The following WDR27 variants were observed in gnomAD, a reference collection of about 807,000 sequenced individuals.
WDR27 encodes the protein WD repeat-containing protein 27.
In WDR27, 100 loss-of-function variants were observed where a neutral mutation model predicts 114.4. That is an observed-to-expected ratio of 0.87 (90% CI 0.74 to 1.03). The LOEUF (loss-of-function observed/expected upper bound fraction) is 1.03, where lower values mean the gene tolerates loss of function less well. Ranked by LOEUF, WDR27 falls within the 50% of genes least tolerant of loss-of-function variation. WDR27 has a pLI of 0.00. For missense variants in WDR27, 1,129 were observed against 1,092.9 expected (o/e 1.03, Z -0.47); for synonymous variants, 449 against 423.1 (o/e 1.06, Z -0.75).
At position 169,520,571 on chromosome 6, in the gene WDR27, C is replaced by T. The variant is rs551227483; in HGVS notation, c.2645+51848G>A. ...AAGCTGGGAACCAGTGACTGACTCTCACAAGATGATGATAATGTGAACTCT... is the reference window on the plus strand; with the variant it reads ...AAGCTGGGAACCAGTGACTGACTCTTACAAGATGATGATAATGTGAACTCT... On this transcript the variant is annotated intron_variant, in intron 25 of 25. Transcript: ENST00000448612. Among the ~76,000 whole-genome samples, 126 of 152,218 alleles carry T rather than the reference C, an allele frequency of 8.3e-4. 1 individual carries two copies. Among genetic ancestry groups the T allele is most frequent in the Non-Finnish European group, 1.5e-3 (101 of 68,008 alleles).
chr6:169,526,382 G>A (rs1794975244), intron 25 of WDR27, among the ~76,000 whole-genome samples: 1 of 152,166 alleles, frequency 6.6e-6, no homozygotes, highest in African/African-American at 2.4e-5. Context: ...GGAGGCCGAG[G>A]TAGGTGGATC....
At chr6:169,695,847 G>T (rs1785780498) in intron 1 of WDR27, among the ~76,000 whole-genome samples, 6 of 152,150 alleles carry the variant, frequency 3.9e-5, no homozygotes, top group African/African-American at 1.4e-4. Context: ...GAGAAGAGTT[G>T]GGATGATGAT....
In WDR27 at chr6:169,511,521, T is replaced by C. The variant is rs894006911; in HGVS notation, c.2646-53887A>G. Among the ~76,000 whole-genome samples, 14 of 57,268 alleles carry C rather than the reference T, an allele frequency of 2.4e-4. No homozygotes were observed. In the East Asian group the frequency reaches 3.0e-3, roughly 12 times the overall value. The allele number at this position is 57,268 out of a possible 152,430, so 37.6% of individuals were successfully genotyped here. ...AAATATAATTTCATTCTCTTAATCA[T>C]AGATCTGTATTATAAGAAAATTACA... is the stretch of plus-strand genomic sequence containing the variant. On this transcript the variant is annotated intron_variant, in intron 25 of 25. Coordinates refer to ENST00000448612, the MANE Select transcript of WDR27 (RefSeq NM_182552.5).
At chr6:169,639,976 G>A (rs1435532773) in intron 17 of WDR27, among the ~76,000 whole-genome samples, 1 of 152,176 alleles carries the variant, frequency 6.6e-6, no homozygotes, top group Non-Finnish European at 1.5e-5. Flanking sequence ...GGGCGAGAGG[G>A]GACGAGCTGG....
At chr6:169,565,084 C>T (rs918394656) in intron 25 of WDR27, among the ~76,000 whole-genome samples, 9 of 152,040 alleles carry the variant, frequency 5.9e-5, no homozygotes, top group East Asian at 1.9e-4. Flanking sequence ...AGAAGCCTCC[C>T]GGCCTGGGAG....
At chr6:169,473,189 G>T (rs1478764043) in intron 25 of WDR27, among the ~76,000 whole-genome samples, 2 of 152,184 alleles carry the variant, frequency 1.3e-5, no homozygotes, top group Non-Finnish European at 2.9e-5. Flanking sequence ...TTTGAATTTG[G>T]CTAGGAACCA....
chr6:169,650,994 G>A (rs1040066229), intron 14 of WDR27, among the ~76,000 whole-genome samples: 3 of 152,090 alleles, frequency 2.0e-5, no homozygotes, highest in East Asian at 1.9e-4. Flanking sequence ...AGCAGAGCAG[G>A]GAAGGGCTTA....
chr6:169,621,388 A>ATTCACACATATACATATG (rs1813156832), intron 21 of WDR27, among the ~76,000 whole-genome samples: 2 of 151,112 alleles, frequency 1.3e-5, no homozygotes, highest in Non-Finnish European at 3.0e-5. Context: ...AGACATACGC[A>ATTCACACATATACATATG]CACACATGCA....
At chr6:169,627,853 T>A (rs1308934242) in intron 21 of WDR27, among the ~76,000 whole-genome samples, 2 of 152,154 alleles carry the variant, frequency 1.3e-5, no homozygotes, top group Non-Finnish European at 2.9e-5. Flanking sequence ...AGGGAGGCCC[T>A]GCACTCTGAG....
intron 25 of WDR27, among the ~76,000 whole-genome samples, chr6:169,478,131 C>T (rs1176479964): frequency 5.9e-5 from 9 of 151,684 alleles, no homozygotes; most frequent in Non-Finnish European, 1.2e-4. Flanking sequence ...TTGGAGATGC[C>T]TACAAGGGGG....
chr6:169,670,891 G>T, intron 3 of WDR27, 198 bp from the exon 4 acceptor site: 2 of 629,446 alleles, frequency 3.2e-6, no homozygotes, highest in Non-Finnish European at 5.2e-6. Context: ...GGGGAATGCA[G>T]CACTTCCCTG....
chr6:169,436,936 A>T, the WDR27 span, among the ~76,000 whole-genome samples: 2 of 152,098 alleles, frequency 1.3e-5, no homozygotes, highest in East Asian at 3.8e-4. Context: ...TATAATTCAA[A>T]ATTTCTTCCT....
intron 25 of WDR27, among the ~76,000 whole-genome samples, chr6:169,523,580 G>T (rs548567640): frequency 6.6e-6 from 1 of 152,026 alleles, no homozygotes; most frequent in Non-Finnish European, 1.5e-5. Flanking sequence ...CCATTAAAAA[G>T]ATCATTCACT....
chr6:169,501,537 C>CT (rs1468172086), intron 25 of WDR27, among the ~76,000 whole-genome samples: 2 of 152,350 alleles, frequency 1.3e-5, no homozygotes, highest in Middle Eastern at 3.4e-3. Flanking sequence ...AAAAATGAAT[C>CT]TATCTAGCCC....
chr6:169,581,231 G>A (rs1803365299), intron 24 of WDR27, among the ~76,000 whole-genome samples: 1 of 152,038 alleles, frequency 6.6e-6, no homozygotes. Context: ...AAAACATTCT[G>A]TCAGTCAGGC....
chr6:169,600,224 C>A (rs1807679494), intron 23 of WDR27, among the ~76,000 whole-genome samples: 1 of 152,154 alleles, frequency 6.6e-6, no homozygotes, highest in Non-Finnish European at 1.5e-5. Flanking sequence ...GGACCTCCAG[C>A]AAACTCCAAC....
At chr6:169,490,642 G>A (rs1789634526) in intron 25 of WDR27, among the ~76,000 whole-genome samples, 2 of 152,226 alleles carry the variant, frequency 1.3e-5, no homozygotes, top group South Asian at 4.1e-4. Flanking sequence ...ATCAGCACAA[G>A]AGAAATGAAC....
intron 25 of WDR27, among the ~76,000 whole-genome samples, chr6:169,501,507 A>T (rs1791234849): frequency 6.6e-6 from 1 of 152,250 alleles, no homozygotes; most frequent in Non-Finnish European, 1.5e-5. Context: ...CCACAAAGCC[A>T]GAAACAAAAG....
intron 25 of WDR27, among the ~76,000 whole-genome samples, chr6:169,532,782 G>A (rs940177498): frequency 6.6e-6 from 1 of 151,380 alleles, no homozygotes; most frequent in Non-Finnish European, 1.5e-5. Flanking sequence ...TCTGGCTTCT[G>A]GCAGTCCCTT....
Sources: allele counts gnomAD v4.1 joint callset (sites outside exome capture counted in the v4.1 genomes callset), GRCh38; gene constraint gnomAD v4.1.1; transcripts MANE v1.5; gene names NCBI Gene and HGNC (gene_info 2026-07-23, HGNC 2026-07-21).